PPARG: variants seen among roughly 807,000 people sequenced by gnomAD.
PPARG encodes the protein peroxisome proliferator activated receptor gamma.
In PPARG, 17 loss-of-function variants were observed where a neutral mutation model predicts 39.2. That is an observed-to-expected ratio of 0.43 (90% CI 0.30 to 0.65). The LOEUF is 0.65. PPARG is among the 30% of genes least tolerant of loss of function. The probability of loss-of-function intolerance (pLI) is 0.13; values close to 1 mark genes in which losing one functional copy is unlikely to be tolerated. For missense variants in PPARG, 406 were observed against 585.9 expected (o/e 0.69, Z 3.17); for synonymous variants, 223 against 215.7 (o/e 1.03, Z -0.30).
chr3:12,288,848 T>C (rs1349028877), upstream of PPARG: 1 of 152,240 alleles, frequency 6.6e-6, no homozygotes, highest in Non-Finnish European at 1.5e-5. Context: ...CTTTGTGGGC[T>C]CCTGCAAGTG....
rs1273690252 is a variant in PPARG at position 12,351,651 on chromosome 3, C to G, written c.-8-28053C>G. On this transcript the variant is annotated intron_variant, in intron 2 of 7. Coordinates refer to ENST00000651735, the MANE Select transcript of PPARG (RefSeq NM_138711.6). ...CCAGAAAGCGATTCCTTCACTGATA[C>G]ACTGTCTGCAAACATATCACAAGGT... 1.9e-5 allele frequency: 30 copies of G among 1,610,274 alleles called. No individual in the cohort carries two copies. Among genetic ancestry groups the G allele is most frequent in the Non-Finnish European group, 2.5e-5 (29 of 1,176,600 alleles).
At chr3:12,342,713 G>A (rs1259273830) in intron 2 of PPARG, among the ~76,000 whole-genome samples, 1 of 151,750 alleles carries the variant, frequency 6.6e-6, no homozygotes, top group Non-Finnish European at 1.5e-5. Context: ...GGTAGTGGAA[G>A]TATAATCATT....
intron 4 of PPARG, among the ~76,000 whole-genome samples, chr3:12,386,429 C>A (rs923481420): frequency 6.6e-6 from 1 of 151,880 alleles, no homozygotes; most frequent in South Asian, 2.1e-4. Context: ...ATTGAAAGAC[C>A]TTGGATCATC....
chr3:12,416,678 C>G (rs1238267070), intron 6 of PPARG, 26 bp from the exon 7 acceptor site: 2 of 1,600,502 alleles, frequency 1.2e-6, no homozygotes, highest in African/African-American at 2.7e-5. Flanking sequence ...TCCAAGTCAT[C>G]CACGTTTTCC....
At chr3:12,301,222 C>T (rs2046917168) in intron 1 of PPARG, among the ~76,000 whole-genome samples, 1 of 152,212 alleles carries the variant, frequency 6.6e-6, no homozygotes, top group Non-Finnish European at 1.5e-5. Context: ...AGGGCCAGAG[C>T]ATTGTTTTGC....
rs907458508 is a variant in PPARG at position 12,381,571 on chromosome 3, C to G, written c.390+80C>G. ...AGCAGAACCCCTTTTTTAGGTGATA[C>G]AATATATGAATTTTTTTTCTTCATG... On this transcript the variant is annotated intron_variant, in intron 4 of 7. Coordinates refer to ENST00000651735, the MANE Select transcript of PPARG (RefSeq NM_138711.6). The G allele has an allele frequency of 4.2e-6, 6 of 1,431,596 alleles. No individual in the cohort carries two copies. In the African/African-American group the frequency reaches 4.3e-5, roughly 10 times the overall value. The allele number at this position is 1,431,596 out of a possible 1,614,324, so 88.7% of individuals were successfully genotyped here. A position where few individuals can be genotyped will look rare whatever the true frequency, so the allele number is the denominator to read the frequency against.
At chr3:12,375,624 AG>A (rs2049378766) in intron 2 of PPARG, among the ~76,000 whole-genome samples, 1 of 152,216 alleles carries the variant, frequency 6.6e-6, no homozygotes, top group Admixed American at 6.5e-5. Context: ...AAGCCTGCCA[AG>A]GAGACAGACA....
intron 2 of PPARG, among the ~76,000 whole-genome samples, chr3:12,334,294 G>A (rs576566058): frequency 1.3e-5 from 2 of 150,564 alleles, no homozygotes; most frequent in African/African-American, 2.4e-5. Context: ...GCAGTGGTAC[G>A]ATTTTGGCTC....
chr3:12,297,449 C>G lies in PPARG; in HGVS notation c.-83+8315C>G, dbSNP rs995697549. Among the ~76,000 whole-genome samples, 59 of 152,032 alleles carry G rather than the reference C, an allele frequency of 3.9e-4. 1 individual carries two copies. Among genetic ancestry groups the G allele is most frequent in the Admixed American group, 3.3e-4 (5 of 15,276 alleles). On this transcript the variant is annotated intron_variant, in intron 1 of 7. Transcript: ENST00000651735. ...TTTATTCAGTAGTATAAAATTACTT[C>G]TATAATCAAAAGCATACATTTATAG...
At chr3:12,336,723 T>C (rs930416111) in intron 2 of PPARG, among the ~76,000 whole-genome samples, 5 of 152,190 alleles carry the variant, frequency 3.3e-5, no homozygotes, top group Admixed American at 3.3e-4. Flanking sequence ...CAGGAACTAG[T>C]TATGAGCAAC....
chr3:12,392,827 G>A, intron 5 of PPARG, 75 bp downstream of exon 5: 1 of 1,561,166 alleles, frequency 6.4e-7, no homozygotes, highest in East Asian at 2.3e-5. Flanking sequence ...TAAAGCCATT[G>A]CCAAAAATGT....
chr3:12,370,803 CAT>C (rs1291271172), intron 2 of PPARG, among the ~76,000 whole-genome samples: 3 of 152,136 alleles, frequency 2.0e-5, no homozygotes, highest in Non-Finnish European at 4.4e-5. Context: ...ACATTATTAA[CAT>C]ATGTATAACA....
At chr3:12,320,911 T>C (rs2047524309) in intron 2 of PPARG, among the ~76,000 whole-genome samples, 1 of 152,138 alleles carries the variant, frequency 6.6e-6, no homozygotes, top group Non-Finnish European at 1.5e-5. Context: ...GACTAAATTG[T>C]TTTTTACATG....
intron 1 of PPARG, among the ~76,000 whole-genome samples, chr3:12,295,505 CAA>C (rs201980058): frequency 8.4e-6 from 1 of 119,176 alleles, no homozygotes; most frequent in Non-Finnish European, 1.6e-5. Flanking sequence ...CAAGAAGGTT[CAA>C]AAAAAAATTT....
At chr3:12,406,927 A>C (rs773630499) in intron 6 of PPARG, 1 of 152,214 alleles carries the variant, frequency 6.6e-6, no homozygotes, top group Non-Finnish European at 1.5e-5. Flanking sequence ...TGCCTGGACT[A>C]CTTCAGTGGA....
At chr3:12,396,121 T>A (rs1035234778) in intron 5 of PPARG, among the ~76,000 whole-genome samples, 1 of 152,274 alleles carries the variant, frequency 6.6e-6, no homozygotes, top group East Asian at 1.9e-4. Context: ...TTCTTTATTT[T>A]TTATTATTAT....
At chr3:12,297,681 C>T (rs1427935763) in intron 1 of PPARG, among the ~76,000 whole-genome samples, 1 of 152,040 alleles carries the variant, frequency 6.6e-6, no homozygotes, top group African/African-American at 2.4e-5. Flanking sequence ...CTCAGCCATA[C>T]GTAAGGTTTA....
chr3:12,299,183 C>T (rs956006712), intron 1 of PPARG, among the ~76,000 whole-genome samples: 6 of 152,116 alleles, frequency 3.9e-5, no homozygotes, highest in African/African-American at 1.4e-4. Context: ...TATTGAGCCA[C>T]TTATTTGTGC....
chr3:12,290,696 T>C (rs1286174074), intron 1 of PPARG, among the ~76,000 whole-genome samples: 2 of 152,172 alleles, frequency 1.3e-5, no homozygotes, highest in African/African-American at 4.8e-5. Context: ...AAATACTTTT[T>C]TCTTCTGTAA....
Sources: gnomAD v4.1 joint callset for allele counts (sites outside exome capture counted in the v4.1 genomes callset) on GRCh38, gnomAD v4.1.1 for gene constraint, MANE v1.5 for transcripts, NCBI Gene and HGNC (gene_info 2026-07-23, HGNC 2026-07-21) for gene names.